The following CSRNP3 variants were observed in gnomAD, a reference collection of about 807,000 sequenced individuals.
CSRNP3 encodes the protein cysteine/serine-rich nuclear protein 3.
A neutral mutation model predicts 48.0 loss-of-function variants in CSRNP3; 12 were observed. The observed-to-expected ratio is 0.25, with a 90% CI of 0.16 to 0.41. The LOEUF is 0.41. Among genes scored for constraint, CSRNP3 ranks in the 10% least tolerant of loss-of-function variants. CSRNP3 has a pLI of 1.00. For synonymous variants in CSRNP3, 263 were observed against 269.7 expected (o/e 0.98, Z 0.24); for missense variants, 580 against 724.4 (o/e 0.80, Z 2.29).
intron 4 of CSRNP3, among the ~76,000 whole-genome samples, chr2:165,595,718 C>A (rs1685799099): frequency 6.6e-6 from 1 of 152,130 alleles, no homozygotes; most frequent in African/African-American, 2.4e-5. Flanking sequence ...ATGGCTCTTT[C>A]CTAGTAATTC....
rs1687535797 is a variant in CSRNP3, at chr2:165,681,415, C to A, written c.*1662C>A. 1.3e-5 allele frequency: 2 copies of A among 148,630 alleles called. No individual in the cohort carries two copies. Among genetic ancestry groups the A allele is most frequent in the Admixed American group, 1.3e-4 (2 of 14,962 alleles). The allele number at this position is 148,630 out of a possible 1,614,324, so 9.2% of individuals were successfully genotyped here. A position where few individuals can be genotyped will look rare whatever the true frequency, so the allele number is the denominator to read the frequency against. ...ATAAATATATTGTAGATCTCAATTT[C>A]TAAAAAAAATATTTTATTTAATTGA... On this transcript the variant is annotated 3_prime_UTR_variant, in exon 7 of 7. Coordinates refer to ENST00000651982, the MANE Select transcript of CSRNP3 (RefSeq NM_001172173.2).
rs2105367462 is a variant in CSRNP3, at chr2:165,680,351, G to A, written c.*598G>A. Reference sequence around the variant, plus strand: ...ATCTGGAATCCATTCACATTTTTATGATCATGACTGATCAGATTTGCAAAT... The same window carrying A: ...ATCTGGAATCCATTCACATTTTTATAATCATGACTGATCAGATTTGCAAAT... On this transcript the variant is annotated 3_prime_UTR_variant, in exon 7 of 7. Coordinates refer to ENST00000651982, the MANE Select transcript of CSRNP3 (RefSeq NM_001172173.2). 6.5e-6 allele frequency: 1 copy of A among 152,920 alleles called. No homozygotes were observed. Among genetic ancestry groups the A allele is most frequent in the Non-Finnish European group, 1.5e-5 (1 of 68,252 alleles). The allele number at this position is 152,920 out of a possible 1,614,324, so 9.5% of individuals were successfully genotyped here.
At chr2:165,470,370 A>G (rs916463232) in intron 1 of CSRNP3, among the ~76,000 whole-genome samples, 1 of 152,144 alleles carries the variant, frequency 6.6e-6, no homozygotes, top group African/African-American at 2.4e-5. Flanking sequence ...TGTGATAATT[A>G]AACAATGGTT....
At chr2:165,575,343 A>C (rs947910124) in intron 3 of CSRNP3, among the ~76,000 whole-genome samples, 1 of 152,146 alleles carries the variant, frequency 6.6e-6, no homozygotes, top group African/African-American at 2.4e-5. Context: ...TCATTAAAGC[A>C]CTTAAGTATA....
At position 165,652,497 on chromosome 2, in the gene CSRNP3, TA is replaced by T. The variant is rs201086270; in HGVS notation, c.149-5251del. Among the ~76,000 whole-genome samples the T allele has an allele frequency of 2.1e-4, 31 of 147,022 alleles. 1 individual carries two copies. The highest frequency in any genetic ancestry group is 2.0e-4 in the East Asian group (1 of 4,992). On this transcript the variant is annotated intron_variant, in intron 4 of 6. Coordinates refer to ENST00000651982, the MANE Select transcript of CSRNP3 (RefSeq NM_001172173.2). ...CTGGTAACAGAGCAAGACTCAATCTTAAAAAAAAAAAAATGGTATCAAGTAT... is the reference window on the plus strand; with the variant it reads ...CTGGTAACAGAGCAAGACTCAATCTTAAAAAAAAAAAATGGTATCAAGTAT...
At chr2:165,670,524 G>A (rs6746728) in intron 5 of CSRNP3, among the ~76,000 whole-genome samples, 149 of 152,246 alleles carry the variant, frequency 9.8e-4, no homozygotes, top group African/African-American at 3.2e-3. Context: ...TAGTAGGGTC[G>A]TAACTTGATG....
At position 165,486,096 on chromosome 2, in the gene CSRNP3, C is replaced by T. The variant is rs372038645; in HGVS notation, c.-282-8663C>T. Among the ~76,000 whole-genome samples the T allele has an allele frequency of 7.1e-3, 1,078 of 152,018 alleles. 15 individuals carry two copies. Among genetic ancestry groups the T allele is most frequent in the African/African-American group, 0.023 (947 of 41,348 alleles). ...CAGGCCAGTGGGTGCGCGCACCGTG[C>T]GCGAGCCGAAGCAGGGCGAGGCATT... On this transcript the variant is annotated intron_variant, in intron 1 of 6. Transcript: ENST00000651982.
chr2:165,582,030 G>T (rs1685556407), intron 3 of CSRNP3, among the ~76,000 whole-genome samples: 1 of 152,182 alleles, frequency 6.6e-6, no homozygotes, highest in South Asian at 2.1e-4. Flanking sequence ...ACATTGGGTT[G>T]AACGGGGATT....
intron 4 of CSRNP3, among the ~76,000 whole-genome samples, chr2:165,598,606 A>G (rs576395962): frequency 6.6e-6 from 1 of 152,292 alleles, no homozygotes; most frequent in South Asian, 2.1e-4. Flanking sequence ...AGACTTTGTT[A>G]TAAGTTATGT....
intron 5 of CSRNP3, among the ~76,000 whole-genome samples, chr2:165,669,004 A>T (rs557950936): frequency 6.6e-6 from 1 of 152,320 alleles, no homozygotes; most frequent in East Asian, 1.9e-4. Flanking sequence ...CTACAAAAAA[A>T]TTTTACTTTA....
At chr2:165,512,429 A>C (rs891390724) in intron 2 of CSRNP3, among the ~76,000 whole-genome samples, 1 of 152,218 alleles carries the variant, frequency 6.6e-6, no homozygotes, top group African/African-American at 2.4e-5. Flanking sequence ...TATTACCTGA[A>C]CAATTTTAGA....
At chr2:165,543,670 C>T (rs2105254362) in intron 3 of CSRNP3, among the ~76,000 whole-genome samples, 1 of 152,040 alleles carries the variant, frequency 6.6e-6, no homozygotes, top group South Asian at 2.1e-4. Flanking sequence ...TTTTAATTTT[C>T]ATGGGCACAT....
intron 2 of CSRNP3, among the ~76,000 whole-genome samples, chr2:165,504,187 T>C (rs1684395266): frequency 1.3e-5 from 2 of 152,042 alleles, no homozygotes; most frequent in African/African-American, 4.8e-5. Flanking sequence ...TAAAAATACA[T>C]TTCAAATTCA....
At chr2:165,580,231 C>A (rs915614463) in intron 3 of CSRNP3, among the ~76,000 whole-genome samples, 10 of 152,094 alleles carry the variant, frequency 6.6e-5, no homozygotes, top group Non-Finnish European at 2.9e-5. Context: ...CAGTGAATGT[C>A]CAAGTTTCAA....
chr2:165,650,178 C>G (rs1457157511), intron 4 of CSRNP3, among the ~76,000 whole-genome samples: 1 of 151,950 alleles, frequency 6.6e-6, no homozygotes, highest in African/African-American at 2.4e-5. Flanking sequence ...TACTAAATAC[C>G]TTATTTGAGC....
intron 4 of CSRNP3, among the ~76,000 whole-genome samples, chr2:165,654,529 C>T (rs771296478): frequency 6.6e-6 from 1 of 152,184 alleles, no homozygotes; most frequent in African/African-American, 2.4e-5. Flanking sequence ...CTCTTACTCT[C>T]TAATCTTCTG....
At chr2:165,567,742 C>CT (rs545861355) in intron 3 of CSRNP3, among the ~76,000 whole-genome samples, 4 of 151,302 alleles carry the variant, frequency 2.6e-5, no homozygotes, top group Non-Finnish European at 5.9e-5. Flanking sequence ...CTTTTCCACA[C>CT]TTTTTTTTTC....
rs914450462 is a variant in CSRNP3 at position 165,663,911 on chromosome 2, G to A, written c.408+5891G>A. On this transcript the variant is annotated intron_variant, in intron 5 of 6. Transcript: ENST00000651982. ...TCTACTAGATCCGTCTGGCTTATTAGCTACCACTGAAAGAAGCGATGTTGG... is the reference window on the plus strand; with the variant it reads ...TCTACTAGATCCGTCTGGCTTATTAACTACCACTGAAAGAAGCGATGTTGG... Among the ~76,000 whole-genome samples, 4 of 152,008 alleles carry A rather than the reference G, an allele frequency of 2.6e-5. No individual in the cohort carries two copies. In the East Asian group the frequency reaches 7.7e-4, roughly 29 times the overall value.
intron 4 of CSRNP3, among the ~76,000 whole-genome samples, chr2:165,599,316 A>G (rs1056138537): frequency 1.3e-5 from 2 of 151,210 alleles, no homozygotes; most frequent in Non-Finnish European, 2.9e-5. Context: ...AAAGAAAGAA[A>G]GAAAGAAAGA....
Sources: gnomAD v4.1 joint callset for allele counts (sites outside exome capture counted in the v4.1 genomes callset) on GRCh38, gnomAD v4.1.1 for gene constraint, MANE v1.5 for transcripts, NCBI Gene and HGNC (gene_info 2026-07-23, HGNC 2026-07-21) for gene names.